ZNF185: variants seen among roughly 807,000 people sequenced by gnomAD.
ZNF185 encodes the protein zinc finger protein 185.
ZNF185 carries 56 observed loss-of-function variants against 58.6 expected under a neutral mutation model. The observed-to-expected ratio is 0.95, with a 90% CI of 0.77 to 1.19. The LOEUF (loss-of-function observed/expected upper bound fraction) is 1.19, where lower values mean the gene tolerates loss of function less well. Ranked by LOEUF, ZNF185 falls within the 50% of genes most tolerant of loss-of-function variation. The pLI is 0.00. For synonymous variants in ZNF185, 230 were observed against 215.9 expected (o/e 1.07, Z -0.57); for missense variants, 627 against 573.5 (o/e 1.09, Z -0.95).
chrX:152,966,978 G>A (rs782077936), intron 19 of ZNF185, among the ~76,000 whole-genome samples, 189 bp from the exon 22 acceptor site: 5 of 111,145 alleles, frequency 4.5e-5, no homozygotes, highest in Non-Finnish European at 9.4e-5. Context: ...ACCCAGCCCC[G>A]ATCATCTCCC....
chrX:152,952,132 C>T (rs1160259916), intron 16 of ZNF185, among the ~76,000 whole-genome samples: 2 of 111,826 alleles, frequency 1.8e-5, no homozygotes, highest in Non-Finnish European at 3.8e-5. Flanking sequence ...GAGGAACATA[C>T]CCAAGTAGAG....
intron 12 of ZNF185, among the ~76,000 whole-genome samples, chrX:152,930,511 C>T (rs1941754329): frequency 9.0e-6 from 1 of 111,557 alleles, no homozygotes; most frequent in Non-Finnish European, 1.9e-5. Flanking sequence ...CTGGGGACAG[C>T]TGGGCGAGGG....
chrX:152,941,690 C>T (rs1357742428), intron 15 of ZNF185: 4 of 1,161,380 alleles, frequency 3.4e-6, no homozygotes, highest in Non-Finnish European at 4.6e-6. Flanking sequence ...CGGGAAAATG[C>T]GACCGTCCAC....
At chrX:152,961,623 A>T (rs927700471) in intron 17 of ZNF185, among the ~76,000 whole-genome samples, 7 of 112,285 alleles carry the variant, frequency 6.2e-5, no homozygotes, top group African/African-American at 1.9e-4. Flanking sequence ...GCAGCCATGT[A>T]CACAGTGAAC....
intron 16 of ZNF185, among the ~76,000 whole-genome samples, chrX:152,959,093 G>A (rs782778729): frequency 2.7e-5 from 3 of 112,850 alleles, no homozygotes; most frequent in African/African-American, 9.6e-5. Flanking sequence ...ATCACAAATG[G>A]GTCTAGGGTT....
chrX:152,964,446 G>A (rs1383680027), intron 18 of ZNF185, among the ~76,000 whole-genome samples: 4 of 112,638 alleles, frequency 3.6e-5, no homozygotes, highest in African/African-American at 6.5e-5. Context: ...CGAAGTGGGA[G>A]CAGGACCATC....
rs781978413 is a variant in ZNF185, at chrX:152,955,191, A to G, written c.1410-4508A>G. 4.4e-5 allele frequency among the ~76,000 whole-genome samples: 5 copies of G among 112,456 alleles called. No homozygotes were observed. The South Asian group carries it at 1.5e-3, about 33-fold the overall frequency. ...TGCCTCTAGGTTACAGTTTATTGACAAAGACTCAAATATAGAACTATGGAG... is the reference window on the plus strand; with the variant it reads ...TGCCTCTAGGTTACAGTTTATTGACGAAGACTCAAATATAGAACTATGGAG... On this transcript the variant is annotated intron_variant, in intron 16 of 22. Transcript: ENST00000449285.
intron 20 of ZNF185, among the ~76,000 whole-genome samples, chrX:152,968,501 C>T: frequency 8.9e-6 from 1 of 112,588 alleles, no homozygotes; most frequent in Non-Finnish European, 1.9e-5. Context: ...TGAGCTGGTG[C>T]TGCTGGTGGT....
At chrX:152,932,943 G>A (rs1603246276) in exon 14 of ZNF185, 6 of 1,202,939 alleles carry the variant, frequency 5.0e-6, no homozygotes, top group Non-Finnish European at 5.6e-6. Flanking sequence ...AGGCTTGGCT[G>A]CAGTAGACAT....
In ZNF185 at chrX:152,938,069, C is replaced by T. The variant is rs782744521; in HGVS notation, c.1122-5C>T. ...ATCTCAGCAGGCCTGTGTTTCCTTC[C>T]TCAGCTCCAGTGCCACTTCAGTCTC... On this transcript the variant is annotated splice_region_variant and splice_polypyrimidine_tract_variant and intron_variant, in intron 14 of 22. Coordinates refer to ENST00000449285, the Ensembl canonical transcript of ZNF185. 6 of 1,174,007 alleles carry T rather than the reference C, an allele frequency of 5.1e-6. No homozygotes were observed. The highest frequency in any genetic ancestry group is 2.5e-5 in the Admixed American group (1 of 40,150).
the ZNF185 span, among the ~76,000 whole-genome samples, chrX:152,907,821 C>T: frequency 2.7e-5 from 3 of 112,930 alleles, no homozygotes; most frequent in Admixed American, 1.9e-4. Context: ...GAAAAGCCAA[C>T]CATTCCTTTG....
intron 18 of ZNF185, among the ~76,000 whole-genome samples, chrX:152,964,949 G>C (rs1556913358): frequency 8.9e-6 from 1 of 111,888 alleles, no homozygotes; most frequent in Non-Finnish European, 1.9e-5. Flanking sequence ...CTGGACTCTA[G>C]GAGTGAGAAT....
At chrX:152,938,102 C>T (rs1556884159) in exon 15 of ZNF185, 1 of 1,183,213 alleles carries the variant, frequency 8.5e-7, no homozygotes, top group East Asian at 3.1e-5. Flanking sequence ...CTCTGCTGTC[C>T]CTGCTGATAG....
rs782248427 is a variant in ZNF185 at position 152,918,047 on chromosome X, G to T, written c.342-18G>T. 9.4e-6 allele frequency: 11 copies of T among 1,174,961 alleles called. No individual in the cohort carries two copies. The highest frequency in any genetic ancestry group is 1.3e-5 in the Non-Finnish European group (11 of 877,219). ...GAGGGAGCCTGCAGGTAGACACATGGAACCTTCTCCTCTCTAGTGCTGCCA... is the reference window on the plus strand; with the variant it reads ...GAGGGAGCCTGCAGGTAGACACATGTAACCTTCTCCTCTCTAGTGCTGCCA... On this transcript the variant is annotated intron_variant, in intron 5 of 22. Coordinates refer to ENST00000449285, the Ensembl canonical transcript of ZNF185.
intron 15 of ZNF185, among the ~76,000 whole-genome samples, chrX:152,942,666 C>T (rs1396175267): frequency 8.9e-6 from 1 of 112,141 alleles, no homozygotes; most frequent in Non-Finnish European, 1.9e-5. Context: ...TCAAATTTTC[C>T]ATCTAGAACA....
intron 16 of ZNF185, among the ~76,000 whole-genome samples, chrX:152,953,685 G>A (rs1342060045): frequency 9.0e-6 from 1 of 111,522 alleles, no homozygotes; most frequent in Non-Finnish European, 1.9e-5. Context: ...GTGACAGAGC[G>A]AGACCCTGTC....
chrX:152,945,230 G>T, intron 15 of ZNF185, 37 bp from the exon 18 acceptor site: 1 of 1,173,750 alleles, frequency 8.5e-7, no homozygotes, highest in Non-Finnish European at 1.1e-6. Flanking sequence ...GTTAGTTTCA[G>T]AGCACTTTTT....
At chrX:152,965,373 C>A in intron 18 of ZNF185, 74 bp from the exon 21 acceptor site, 2 of 1,009,872 alleles carry the variant, frequency 2.0e-6, no homozygotes, top group Non-Finnish European at 2.7e-6. Flanking sequence ...AGCCCTGAAC[C>A]ACTCCTGTGG....
intron 11 of ZNF185, among the ~76,000 whole-genome samples, chrX:152,924,911 T>C (rs1940559358): frequency 8.9e-6 from 1 of 111,811 alleles, no homozygotes; most frequent in South Asian, 3.7e-4. Flanking sequence ...CTCAAACTGC[T>C]GACCTTGTGA....
Sources: allele counts gnomAD v4.1 joint callset (sites outside exome capture counted in the v4.1 genomes callset), GRCh38; gene constraint gnomAD v4.1.1; transcripts MANE v1.5; gene names NCBI Gene and HGNC (gene_info 2026-07-23, HGNC 2026-07-21).